The following NME9 variants were observed in gnomAD, a reference collection of about 807,000 sequenced individuals.
The protein encoded by NME9 is thioredoxin domain-containing protein 6.
Under a neutral mutation model 44.4 loss-of-function variants are expected in NME9, and 48 were observed. That is an observed-to-expected ratio of 1.08 (90% CI 0.86 to 1.37). The LOEUF (loss-of-function observed/expected upper bound fraction) is 1.37, where lower values mean the gene tolerates loss of function less well. Ranked by LOEUF, NME9 falls within the 40% of genes most tolerant of loss-of-function variation. The pLI, the probability that NME9 is intolerant of heterozygous loss-of-function variation, is 0.00. For synonymous variants in NME9, 139 were observed against 147.1 expected (o/e 0.94, Z 0.40); for missense variants, 325 against 405.2 (o/e 0.80, Z 1.70).
chr3:138,325,405 T>C (rs1046252163), intron 1 of NME9, among the ~76,000 whole-genome samples: 1 of 151,200 alleles, frequency 6.6e-6, no homozygotes, highest in Non-Finnish European at 1.5e-5. Context: ...TTTCTTTTTT[T>C]TTTTTTGTTT....
At chr3:138,290,341 G>A (rs1025511334) in intron 8 of NME9, among the ~76,000 whole-genome samples, 1 of 152,202 alleles carries the variant, frequency 6.6e-6, no homozygotes, top group Non-Finnish European at 1.5e-5. Flanking sequence ...CAGGCAGGAT[G>A]ATCAGGAGGC....
intron 8 of NME9, 28 bp downstream of exon 8, chr3:138,305,976 T>C (rs1410789295): frequency 7.1e-7 from 1 of 1,413,330 alleles, no homozygotes; most frequent in Non-Finnish European, 1.0e-6. Flanking sequence ...CGACAGTGTG[T>C]TGAACTTGTG....
At chr3:138,328,731 C>T (rs897175736) in intron 1 of NME9, among the ~76,000 whole-genome samples, 4 of 152,200 alleles carry the variant, frequency 2.6e-5, no homozygotes, top group Non-Finnish European at 5.9e-5. Context: ...AGAGCAGCTG[C>T]TGGCTTCTGA....
intron 6 of NME9, among the ~76,000 whole-genome samples, chr3:138,312,873 A>G (rs952716290): frequency 9.9e-5 from 15 of 152,242 alleles, no homozygotes; most frequent in Non-Finnish European, 2.2e-4. Flanking sequence ...AGGGATTAAT[A>G]ACCAGAATAT....
chr3:138,296,499 A>G (rs2051496410), downstream of NME9: 1 of 152,176 alleles, frequency 6.6e-6, no homozygotes, highest in African/African-American at 2.4e-5. Flanking sequence ...AGTAAAAAAT[A>G]TATGCATTTC....
chr3:138,326,854 T>C (rs1418080331), intron 1 of NME9, among the ~76,000 whole-genome samples: 1 of 151,742 alleles, frequency 6.6e-6, no homozygotes, highest in African/African-American at 2.4e-5. Context: ...TAAAAGTTCC[T>C]TTTTTGGCCG....
Position 138,269,741 on chromosome 3 carries a change from A to G in NME9, c.746-7155T>C, listed in dbSNP as rs138884686. Among the ~76,000 whole-genome samples, 34 of 152,136 alleles carry G rather than the reference A, an allele frequency of 2.2e-4. No individual in the cohort carries two copies. The East Asian group carries it at 4.3e-3, about 19-fold the overall frequency. ...ATAAGGGTCTGTGTGAAATGTACAGATAACTAGAATGTCTCCTGAATCCTC... is the reference window on the plus strand; with the variant it reads ...ATAAGGGTCTGTGTGAAATGTACAGGTAACTAGAATGTCTCCTGAATCCTC... On this transcript the variant is annotated intron_variant, in intron 8 of 8. Transcript: ENST00000317876.
At chr3:138,271,890 G>T (rs1011371531) in intron 8 of NME9, among the ~76,000 whole-genome samples, 2 of 151,354 alleles carry the variant, frequency 1.3e-5, no homozygotes, top group East Asian at 3.9e-4. Flanking sequence ...CTGCCTCCTG[G>T]GTTCAAGTGA....
At chr3:138,282,635 CAA>C (rs760470914) in intron 8 of NME9, among the ~76,000 whole-genome samples, 58 of 47,498 alleles carry the variant, frequency 1.2e-3, no homozygotes, top group Non-Finnish European at 2.1e-3. Flanking sequence ...GACTCCATCT[CAA>C]AAAAAAAAAA....
At chr3:138,262,486 C>A in exon 9 of NME9, 1 of 1,576,910 alleles carries the variant, frequency 6.3e-7, no homozygotes, top group Non-Finnish European at 8.6e-7. Flanking sequence ...CTGAAACATC[C>A]TGAGGTTTTC....
At position 138,329,302 on chromosome 3, in the gene NME9, C is replaced by G. The variant is rs756462769; in HGVS notation, c.33+1G>C. The G allele has an allele frequency of 2.0e-6, 3 of 1,536,020 alleles. No individual in the cohort carries two copies. Among genetic ancestry groups the G allele is most frequent in the East Asian group, 2.4e-5 (1 of 40,896 alleles). ...GGAAGCTAGCGCCCCTTGAGGCTTA[C>G]CTGCAGGGCAATTTCCTTCTTCCTG... On this transcript the variant is annotated splice_donor_variant, in intron 1 of 10. Coordinates refer to ENST00000333911, the MANE Select transcript of NME9 (RefSeq NM_001349018.2). LOFTEE classifies it high-confidence loss of function.
chr3:138,301,740 A>G, intron 10 of NME9, 36 bp from the exon 11 acceptor site: 1 of 1,491,160 alleles, frequency 6.7e-7, no homozygotes. Context: ...GACTCCTGAA[A>G]CAGCCCTGTC....
chr3:138,285,548 C>T (rs1367976574), intron 8 of NME9, among the ~76,000 whole-genome samples: 2 of 152,200 alleles, frequency 1.3e-5, no homozygotes, highest in African/African-American at 4.8e-5. Context: ...CTCTCTGTTT[C>T]ACCCTTCAAA....
At chr3:138,325,404 T>C (rs1294930062) in intron 1 of NME9, among the ~76,000 whole-genome samples, 1 of 151,150 alleles carries the variant, frequency 6.6e-6, no homozygotes, top group African/African-American at 2.4e-5. Flanking sequence ...ATTTCTTTTT[T>C]TTTTTTTGTT....
At chr3:138,314,454 T>G (rs2108448130) in intron 5 of NME9, 47 bp from the exon 6 acceptor site, 1 of 1,151,018 alleles carries the variant, frequency 8.7e-7, no homozygotes, top group South Asian at 1.3e-5. Flanking sequence ...TAATTAACAT[T>G]ACCACTAAGA....
At chr3:138,318,297 GGAACTGAACACCCCCAGGACT>G (rs1215801592) in intron 3 of NME9, 78 bp from the exon 4 acceptor site, 10 of 919,938 alleles carry the variant, frequency 1.1e-5, no homozygotes, top group Non-Finnish European at 1.6e-5. Context: ...AACCACACAG[GGAACTGAACACCCCCAGGACT>G]GACTTCCCCA....
At chr3:138,262,613 A>G in intron 8 of NME9, 1 of 1,497,218 alleles carries the variant, frequency 6.7e-7, no homozygotes, top group African/African-American at 1.4e-5. Context: ...AAAAAAAAAA[A>G]TTTAGGTGCC....
At chr3:138,300,003 T>C (rs2051758259), downstream of NME9, among the ~76,000 whole-genome samples, 1 of 152,102 alleles carries the variant, frequency 6.6e-6, no homozygotes, top group South Asian at 2.1e-4. Context: ...TTGCCACTCG[T>C]GAAGTGGGCA....
chr3:138,305,510 A>G (rs1488404705), intron 8 of NME9, among the ~76,000 whole-genome samples: 3 of 152,120 alleles, frequency 2.0e-5, no homozygotes, highest in Non-Finnish European at 4.4e-5. Context: ...AGTTTGACTG[A>G]CAACCATGGG....
Sources: gnomAD v4.1 joint callset for allele counts (sites outside exome capture counted in the v4.1 genomes callset) on GRCh38, gnomAD v4.1.1 for gene constraint, MANE v1.5 for transcripts, NCBI Gene and HGNC (gene_info 2026-07-23, HGNC 2026-07-21) for gene names.